DOC2A: variants seen among roughly 807,000 people sequenced by gnomAD.
The protein encoded by DOC2A is double C2-like domain-containing protein alpha.
In DOC2A, 28 loss-of-function variants were observed where a neutral mutation model predicts 40.6. The ratio of observed to expected loss-of-function variants is 0.69; its 90% CI spans 0.51 to 0.95. The LOEUF (loss-of-function observed/expected upper bound fraction) is 0.95. DOC2A is among the 40% of genes least tolerant of loss of function. The pLI is 0.00. For synonymous variants in DOC2A, 241 were observed against 236.9 expected (o/e 1.02, Z -0.16); for missense variants, 474 against 552.5 (o/e 0.86, Z 1.42).
Position 30,009,194 on chromosome 16 carries a change from G to A in DOC2A, c.417+8C>T. 2 of 1,602,272 alleles carry A rather than the reference G, an allele frequency of 1.2e-6. No individual in the cohort carries two copies. The highest frequency in any genetic ancestry group is 1.1e-5 in the South Asian group (1 of 89,916). ...GCTGGGCCGGGCGGGGCGAGAGGAGGCTGTTACCTTACAGGCTCCAGGCAG... is the reference window on the plus strand; with the variant it reads ...GCTGGGCCGGGCGGGGCGAGAGGAGACTGTTACCTTACAGGCTCCAGGCAG... On this transcript the variant is annotated splice_region_variant and intron_variant, in intron 4 of 10. Coordinates refer to ENST00000350119, the MANE Select transcript of DOC2A (RefSeq NM_003586.3). The surrounding 1 kb of genome is among the most constrained non-coding windows in gnomAD (Gnocchi z 4.1).
chr16:30,011,553 C>G (rs1488733733), upstream of DOC2A: 18 of 337,738 alleles, frequency 5.3e-5, no homozygotes, highest in Non-Finnish European at 7.1e-5. Flanking sequence ...CCCCCACCCC[C>G]GCGCGTCTTC....
chr16:30,009,048 C>G lies in DOC2A; in HGVS notation c.475G>C (p.Asp159His), dbSNP rs200640037. ...TCTGTGATCCCGCTGTAAGTCAGGT[C>G]CTCATTCCACACGGGATTCAGTGTG... is the stretch of plus-strand genomic sequence containing the variant. Reference protein sequence around the residue: ...RNTLNPVWNEDLTYSGITDDD... With the variant: ...RNTLNPVWNEHLTYSGITDDD... The change falls in exon 5 of 11, where the codon GAC becomes CAC. Residue 159 changes from aspartate (D) to histidine (H), a missense_variant. Coordinates refer to ENST00000350119, the MANE Select transcript of DOC2A (RefSeq NM_003586.3). This position sits in a 1 kb window ranked among gnomAD's most constrained non-coding sequence, Gnocchi z 4.1. 6.2e-7 allele frequency: 1 copy of G among 1,614,120 alleles called. No homozygotes were observed. The highest frequency in any genetic ancestry group is 2.2e-5 in the East Asian group (1 of 44,886).
At chr16:30,007,971 G>C (rs2070670893) in intron 5 of DOC2A, 1 of 157,848 alleles carries the variant, frequency 6.3e-6, no homozygotes, top group Non-Finnish European at 1.4e-5. Context: ...CTAAGCCTGG[G>C]CTGGGCCCTG....
At chr16:30,008,937 C>T (rs765239271) in intron 5 of DOC2A, 59 bp downstream of exon 5, 148 of 1,150,548 alleles carry the variant, frequency 1.3e-4, no homozygotes, top group Non-Finnish European at 1.9e-4. Flanking sequence ...AACCAACCAG[C>T]GGTTACAATG....
In DOC2A at chr16:30,009,448, GC is replaced by G. The variant is rs1227755419; in HGVS notation, c.342+29del. On this transcript the variant is annotated intron_variant, in intron 3 of 10. Transcript: ENST00000350119. This position sits in a 1 kb window ranked among gnomAD's most constrained non-coding sequence, Gnocchi z 4.1. ...CCTCTGGGGGCTGCACGCAAACCGG[GC>G]CCGGGCTTGGGTGGCAGGGAGTGCC... 20 of 1,548,860 alleles carry G rather than the reference GC, an allele frequency of 1.3e-5. No individual in the cohort carries two copies. Among genetic ancestry groups the G allele is most frequent in the Non-Finnish European group, 1.6e-5 (18 of 1,145,012 alleles).
chr16:30,014,179 T>TTTTG (rs1207105286), upstream of DOC2A, among the ~76,000 whole-genome samples: 1 of 131,812 alleles, frequency 7.6e-6, no homozygotes, highest in Non-Finnish European at 1.6e-5. Context: ...CATCTTTTTT[T>TTTTG]TTTTTTTTAA....
In DOC2A at chr16:30,006,068, C is replaced by G; in HGVS notation, c.*118G>C. The G allele has an allele frequency of 2.4e-6, 3 of 1,240,562 alleles. 1 individual carries two copies. The South Asian group carries it at 4.6e-5, about 19-fold the overall frequency. The allele number at this position is 1,240,562 out of a possible 1,614,324, so 76.8% of individuals were successfully genotyped here. ...GACAGACCCGGGTCACGGAGACTCA[C>G]AAAAATAGGTAGTGCAGGGTGGGGG... On this transcript the variant is annotated 3_prime_UTR_variant, in exon 11 of 11. Coordinates refer to ENST00000350119, the MANE Select transcript of DOC2A (RefSeq NM_003586.3). The surrounding 1 kb of genome is among the most constrained non-coding windows in gnomAD (Gnocchi z 6.2).
chr16:30,018,288 A>T (rs989008994), intron 1 of DOC2A, among the ~76,000 whole-genome samples: 1 of 151,694 alleles, frequency 6.6e-6, no homozygotes, highest in Non-Finnish European at 1.5e-5. Context: ...TCAAAAAAAA[A>T]AAAAAAGAAA....
At position 30,009,907 on chromosome 16, in the gene DOC2A, G is replaced by T; in HGVS notation, c.262+54C>A. Reference sequence around the variant, plus strand: ...GCCCATCCCCCTCTCCCCCCACCACGGCAAGCCTGGAGACCCCCACCAGCA... The same window carrying T: ...GCCCATCCCCCTCTCCCCCCACCACTGCAAGCCTGGAGACCCCCACCAGCA... On this transcript the variant is annotated intron_variant, in intron 2 of 10. Coordinates refer to ENST00000350119, the MANE Select transcript of DOC2A (RefSeq NM_003586.3). This position sits in a 1 kb window ranked among gnomAD's most constrained non-coding sequence, Gnocchi z 4.1. The T allele has an allele frequency of 1.4e-6, 2 of 1,475,250 alleles. No homozygotes were observed. Among genetic ancestry groups the T allele is most frequent in the Non-Finnish European group, 1.8e-6 (2 of 1,096,986 alleles). The allele number at this position is 1,475,250 out of a possible 1,614,324, so 91.4% of individuals were successfully genotyped here.
In DOC2A at chr16:30,010,932, G is replaced by A; in HGVS notation, c.-43C>T. 2.0e-6 allele frequency: 2 copies of A among 1,014,664 alleles called. No homozygotes were observed. Among genetic ancestry groups the A allele is most frequent in the Non-Finnish European group, 2.4e-6 (2 of 847,392 alleles). The allele number at this position is 1,014,664 out of a possible 1,614,324, so 62.9% of individuals were successfully genotyped here. A position where few individuals can be genotyped will look rare whatever the true frequency, so the allele number is the denominator to read the frequency against. On this transcript the variant is annotated 5_prime_UTR_variant, in exon 1 of 11. Coordinates refer to ENST00000350119, the MANE Select transcript of DOC2A (RefSeq NM_003586.3). The surrounding 1 kb of genome is among the most constrained non-coding windows in gnomAD (Gnocchi z 4.2). Reference sequence around the variant, plus strand: ...GCCTCCAACAGGTGCCCAGGCACTGGGGGGACGGCGGGCGCAGGCTGGGCG... The same window carrying A: ...GCCTCCAACAGGTGCCCAGGCACTGAGGGGACGGCGGGCGCAGGCTGGGCG...
intron 1 of DOC2A, chr16:30,018,730 C>T (rs1036558554): frequency 6.6e-6 from 1 of 152,160 alleles, no homozygotes; most frequent in Non-Finnish European, 1.5e-5. Context: ...TGGAAATATA[C>T]ATTTGTGAGT....
In DOC2A at chr16:30,005,937, T is replaced by G; in HGVS notation, c.*249A>C. 1 of 574,906 alleles carries G rather than the reference T, an allele frequency of 1.7e-6. No homozygotes were observed. The highest frequency in any genetic ancestry group is 3.2e-5 in the Admixed American group (1 of 31,698). The allele number at this position is 574,906 out of a possible 1,614,324, so 35.6% of individuals were successfully genotyped here. A position where few individuals can be genotyped will look rare whatever the true frequency, so the allele number is the denominator to read the frequency against. On this transcript the variant is annotated 3_prime_UTR_variant, in exon 11 of 11. Transcript: ENST00000350119. ...GGGCCTGGGGCCGGGCTCTGAGCACTGCCCGGGTGTGCAGATGATGGGGGG... is the reference window on the plus strand; with the variant it reads ...GGGCCTGGGGCCGGGCTCTGAGCACGGCCCGGGTGTGCAGATGATGGGGGG...
At chr16:30,015,009 G>A (rs1453209106), upstream of DOC2A, 2 of 152,170 alleles carry the variant, frequency 1.3e-5, no homozygotes, top group African/African-American at 4.8e-5. Context: ...TGCCATTTGA[G>A]AGGGAAAGAG....
chr16:30,005,574 A>C lies in DOC2A; in HGVS notation c.*612T>G. 1.1e-6 allele frequency: 1 copy of C among 900,714 alleles called. No individual in the cohort carries two copies. The highest frequency in any genetic ancestry group is 1.7e-6 in the Non-Finnish European group (1 of 580,616). The allele number at this position is 900,714 out of a possible 1,614,324, so 55.8% of individuals were successfully genotyped here. A position where few individuals can be genotyped will look rare whatever the true frequency, so the allele number is the denominator to read the frequency against. On this transcript the variant is annotated 3_prime_UTR_variant, in exon 11 of 11. Transcript: ENST00000350119. ...GCTCCGGCCACTGACACAACCAGAA[A>C]AGGCGTAAACATGCACGGGTGTCCC...
chr16:30,012,499 A>G (rs948908071), upstream of DOC2A: 1 of 152,108 alleles, frequency 6.6e-6, no homozygotes, highest in Non-Finnish European at 1.5e-5. Flanking sequence ...TCTTACCCTT[A>G]AAAATGGTGA....
Position 30,006,892 on chromosome 16 carries a change from C to T in DOC2A, c.771G>A (p.Leu257=), listed in dbSNP as rs1035873375. 3.1e-6 allele frequency: 5 copies of T among 1,613,422 alleles called. No individual in the cohort carries two copies. The highest frequency in any genetic ancestry group is 4.2e-6 in the Non-Finnish European group (5 of 1,179,688). The change falls in exon 8 of 11, where the codon CTG becomes CTA. Residue 257 remains leucine, a synonymous_variant. Coordinates refer to ENST00000350119, the MANE Select transcript of DOC2A (RefSeq NM_003586.3). The surrounding 1 kb of genome is among the most constrained non-coding windows in gnomAD (Gnocchi z 6.2). ...GLLEERGRIL[L]SLSYSSRRRG... ...GGCGCCGCGAGCTGTAGCTGAGACT[C>T]AGCAGGATGCGGCCACGCTCCTCCA... is the stretch of plus-strand genomic sequence containing the variant.
rs544510908 is a variant in DOC2A, at chr16:30,007,327, C to G, written c.528-28G>C. The stretch of plus-strand genomic sequence containing the variant: ...GGTCGGGAACTGCAGTGTCAGGGCC[C>G]CTGGGGTACCTGAGCCCCGTTCCGG... On this transcript the variant is annotated intron_variant, in intron 5 of 10. Coordinates refer to ENST00000350119, the MANE Select transcript of DOC2A (RefSeq NM_003586.3). The G allele has an allele frequency of 2.1e-5, 34 of 1,613,414 alleles. No homozygotes were observed. The African/African-American group carries it at 4.1e-4, about 20-fold the overall frequency.
At chr16:30,011,513 CTCG>C, upstream of DOC2A, 1 of 726,932 alleles carries the variant, frequency 1.4e-6, no homozygotes, top group Non-Finnish European at 1.7e-6. Context: ...GACCACCGGC[CTCG>C]TTGTCATGGC....
intron 1 of DOC2A, chr16:30,018,495 T>G (rs1341768100): frequency 1.3e-5 from 2 of 152,082 alleles, no homozygotes; most frequent in Non-Finnish European, 2.9e-5. Context: ...CTAACAGGTC[T>G]CAATTTGGGG....
Sources: allele counts gnomAD v4.1 joint callset (sites outside exome capture counted in the v4.1 genomes callset), GRCh38; gene constraint gnomAD v4.1.1; non-coding constraint Gnocchi (gnomAD v3.1); transcripts MANE v1.5; gene names NCBI Gene and HGNC (gene_info 2026-07-23, HGNC 2026-07-21).